The following SLC8A1 variants were observed in gnomAD, a reference collection of about 807,000 sequenced individuals.
The protein encoded by SLC8A1 is solute carrier family 8 member A1.
In SLC8A1, 18 loss-of-function variants were observed where a neutral mutation model predicts 68.3. The observed-to-expected ratio is 0.26, with a 90% CI of 0.18 to 0.39. The LOEUF (loss-of-function observed/expected upper bound fraction) is 0.39, where lower values mean the gene tolerates loss of function less well. Ranked by LOEUF, SLC8A1 falls within the 10% of genes least tolerant of loss-of-function variation. The pLI, the probability that SLC8A1 is intolerant of heterozygous loss-of-function variation, is 1.00. For missense variants in SLC8A1, 985 were observed against 1,156.7 expected (o/e 0.85, Z 2.15); for synonymous variants, 475 against 415.5 (o/e 1.14, Z -1.74).
intron 5 of SLC8A1, among the ~76,000 whole-genome samples, chr2:40,162,706 G>C (rs2045896722): frequency 1.3e-5 from 2 of 152,122 alleles, no homozygotes; most frequent in African/African-American, 4.8e-5. Flanking sequence ...CCTGAACTTG[G>C]ACACTGTTGT....
chr2:40,150,279 A>C (rs1410253674), intron 6 of SLC8A1, among the ~76,000 whole-genome samples: 1 of 152,198 alleles, frequency 6.6e-6, no homozygotes, highest in Non-Finnish European at 1.5e-5. Flanking sequence ...CAAGGTCTTT[A>C]TCAAGAGAGC....
At chr2:40,139,892 G>A (rs1158837618) in intron 6 of SLC8A1, among the ~76,000 whole-genome samples, 3 of 152,086 alleles carry the variant, frequency 2.0e-5, no homozygotes, top group Admixed American at 6.6e-5. Flanking sequence ...ATTGGTCAAT[G>A]GCAAAAACTT....
intron 1 of SLC8A1, among the ~76,000 whole-genome samples, chr2:40,430,586 T>C (rs556839213): frequency 5.6e-4 from 86 of 152,290 alleles, no homozygotes; most frequent in African/African-American, 1.9e-3. Context: ...AGATACACAA[T>C]TGACTTACTG....
Position 40,271,274 on chromosome 2 carries a change from G to C in SLC8A1, c.1809-93419C>G, listed in dbSNP as rs998904135. Among the ~76,000 whole-genome samples, 15 of 151,584 alleles carry C rather than the reference G, an allele frequency of 9.9e-5. 1 individual carries two copies. Among genetic ancestry groups the C allele is most frequent in the Admixed American group, 5.9e-4 (9 of 15,178 alleles). ...ACCTCCCCTCCCACTCCTCTCCCAG[G>C]TGTTATCAGGCTCCAGCCACATGGC... is the stretch of plus-strand genomic sequence containing the variant. On this transcript the variant is annotated intron_variant, in intron 2 of 7. Coordinates refer to ENST00000406785, the Ensembl canonical transcript of SLC8A1.
intron 2 of SLC8A1, among the ~76,000 whole-genome samples, chr2:40,268,423 G>C (rs1243648661): frequency 1.3e-5 from 2 of 152,154 alleles, no homozygotes; most frequent in African/African-American, 4.8e-5. Flanking sequence ...CATGCACTTG[G>C]ATAATACTAG....
At chr2:40,312,482 T>TGAAG (rs1450983896) in intron 2 of SLC8A1, among the ~76,000 whole-genome samples, 1 of 152,156 alleles carries the variant, frequency 6.6e-6, no homozygotes, top group Non-Finnish European at 1.5e-5. Flanking sequence ...TATTTGACTC[T>TGAAG]GAAGGGCATT....
At position 40,489,814 on chromosome 2, in the gene SLC8A1, G is replaced by A. The variant is rs1319789122; in HGVS notation, c.-25+22535C>T. ...TCTGAGCATGGGAAAGGATCAGAAG[G>A]TTTGCTGCCACAGGAACAATCCCCA... On this transcript the variant is annotated intron_variant, in intron 1 of 7. Coordinates refer to the SLC8A1 transcript ENST00000402441. Among the ~76,000 whole-genome samples the A allele has an allele frequency of 2.0e-5, 3 of 151,822 alleles. No individual in the cohort carries two copies. The East Asian group carries it at 5.8e-4, about 29-fold the overall frequency.
chr2:40,452,649 C>A (rs548142507), upstream of SLC8A1, among the ~76,000 whole-genome samples: 1 of 151,868 alleles, frequency 6.6e-6, no homozygotes, highest in Admixed American at 6.6e-5. Flanking sequence ...GCAAAAGGAT[C>A]TGGGCATATA....
At chr2:40,504,989 G>A (rs1706276286) in intron 1 of SLC8A1, among the ~76,000 whole-genome samples, 1 of 151,908 alleles carries the variant, frequency 6.6e-6, no homozygotes, top group Non-Finnish European at 1.5e-5. Context: ...TCAATATATG[G>A]AAGTGATATC....
At chr2:40,230,662 A>G (rs538796192) in intron 2 of SLC8A1, among the ~76,000 whole-genome samples, 1 of 152,358 alleles carries the variant, frequency 6.6e-6, no homozygotes, top group East Asian at 1.9e-4. Context: ...TTTAGAATTA[A>G]TGAACATATA....
chr2:40,488,371 A>G (rs1705106696), intron 1 of SLC8A1, among the ~76,000 whole-genome samples: 1 of 152,128 alleles, frequency 6.6e-6, no homozygotes, highest in African/African-American at 2.4e-5. Context: ...ATTCAGGCCC[A>G]TTCGTATTCT....
intron 2 of SLC8A1, among the ~76,000 whole-genome samples, chr2:40,195,429 GA>G (rs1174361680): frequency 1.3e-5 from 2 of 151,962 alleles, no homozygotes; most frequent in Admixed American, 1.3e-4. Context: ...GTGGGGCTGA[GA>G]AAATTGGTTG....
intron 1 of SLC8A1, among the ~76,000 whole-genome samples, chr2:40,483,138 C>T (rs1213418873): frequency 6.6e-6 from 1 of 151,620 alleles, no homozygotes; most frequent in Non-Finnish European, 1.5e-5. Flanking sequence ...AACTAAAGTG[C>T]TGAAGACAAT....
intron 2 of SLC8A1, among the ~76,000 whole-genome samples, chr2:40,363,353 G>A (rs190929353): frequency 6.6e-6 from 1 of 152,076 alleles, no homozygotes; most frequent in East Asian, 1.9e-4. Flanking sequence ...TGATGATGAT[G>A]ATGATGATAG....
chr2:40,366,171 G>A (rs1244098459), intron 2 of SLC8A1, among the ~76,000 whole-genome samples: 5 of 151,814 alleles, frequency 3.3e-5, no homozygotes, highest in African/African-American at 9.7e-5. Flanking sequence ...ACCTCATAAG[G>A]GCACTGTCAA....
chr2:40,429,607 A>G, exon 2 of SLC8A1: 1 of 1,613,850 alleles, frequency 6.2e-7, no homozygotes, highest in African/African-American at 1.3e-5. Flanking sequence ...ACCAGGAGAT[A>G]TGACAGACAA....
At chr2:40,344,274 T>C (rs1559325238) in intron 2 of SLC8A1, among the ~76,000 whole-genome samples, 1 of 152,200 alleles carries the variant, frequency 6.6e-6, no homozygotes, top group Non-Finnish European at 1.5e-5. Flanking sequence ...GCTCTGCTGA[T>C]TTCATGCACT....
At chr2:40,367,601 T>C (rs561003777) in intron 2 of SLC8A1, among the ~76,000 whole-genome samples, 8 of 152,096 alleles carry the variant, frequency 5.3e-5, no homozygotes, top group African/African-American at 9.6e-5. Flanking sequence ...CAAACGTACA[T>C]GTGTCATCAG....
chr2:40,494,660 T>C (rs1244648919), intron 1 of SLC8A1, among the ~76,000 whole-genome samples: 1 of 130,382 alleles, frequency 7.7e-6, no homozygotes, highest in Non-Finnish European at 1.6e-5. Flanking sequence ...TATATATATA[T>C]ATATATATAT....
Sources: gnomAD v4.1 joint callset for allele counts (sites outside exome capture counted in the v4.1 genomes callset) on GRCh38, gnomAD v4.1.1 for gene constraint, MANE v1.5 for transcripts, NCBI Gene and HGNC (gene_info 2026-07-23, HGNC 2026-07-21) for gene names.